NKAIN3: variants seen among roughly 807,000 people sequenced by gnomAD.
NKAIN3 encodes sodium/potassium transporting ATPase interacting 3.
In NKAIN3, 25 loss-of-function variants were observed where a neutral mutation model predicts 30.2. That is an observed-to-expected ratio of 0.83 (90% CI 0.60 to 1.16). The LOEUF (loss-of-function observed/expected upper bound fraction) is 1.16, where lower values mean the gene tolerates loss of function less well. Ranked by LOEUF, NKAIN3 falls within the 50% of genes most tolerant of loss-of-function variation. The probability of loss-of-function intolerance (pLI) is 0.00; values close to 1 mark genes in which losing one functional copy is unlikely to be tolerated. For missense variants in NKAIN3, 225 were observed against 254.1 expected (o/e 0.89, Z 0.78); for synonymous variants, 91 against 89.6 (o/e 1.02, Z -0.09).
intron 4 of NKAIN3, among the ~76,000 whole-genome samples, chr8:62,795,631 G>C (rs529765606): frequency 1.1e-3 from 164 of 152,222 alleles, no homozygotes; most frequent in African/African-American, 3.7e-3. Flanking sequence ...AATTAAAAGA[G>C]AATTAGTAAC....
At chr8:62,275,293 G>T (rs1412604209) in intron 1 of NKAIN3, among the ~76,000 whole-genome samples, 1 of 152,146 alleles carries the variant, frequency 6.6e-6, no homozygotes, top group Admixed American at 6.6e-5. Flanking sequence ...CATTCTAACT[G>T]GTGTGAGATG....
At chr8:62,298,228 C>T (rs531211798) in intron 1 of NKAIN3, among the ~76,000 whole-genome samples, 13 of 151,784 alleles carry the variant, frequency 8.6e-5, no homozygotes, top group Admixed American at 2.0e-4. Context: ...TGCTAAATGA[C>T]GAGTTAATGG....
intron 1 of NKAIN3, among the ~76,000 whole-genome samples, chr8:62,439,956 T>C (rs1304904559): frequency 6.6e-6 from 1 of 152,228 alleles, no homozygotes; most frequent in Admixed American, 6.5e-5. Context: ...CAGATATTAA[T>C]ATGAGGAGAA....
rs551121497 is a variant in NKAIN3, at chr8:62,255,825, T to C, written c.54+6698T>C. 1.1e-4 allele frequency among the ~76,000 whole-genome samples: 16 copies of C among 152,238 alleles called. No individual in the cohort carries two copies. The South Asian group carries it at 3.1e-3, about 30-fold the overall frequency. On this transcript the variant is annotated intron_variant, in intron 1 of 6. Coordinates refer to ENST00000623646, the MANE Select transcript of NKAIN3 (RefSeq NM_001304533.3). The stretch of plus-strand genomic sequence containing the variant: ...AGTCTTTGGATCAGCAGTATCAGAA[T>C]CACCCGGGGGAGCTTCTGAACAACA...
chr8:62,738,507 GA>G (rs1027389895), intron 3 of NKAIN3, among the ~76,000 whole-genome samples: 16 of 151,050 alleles, frequency 1.1e-4, no homozygotes, highest in Non-Finnish European at 2.4e-4. Context: ...GCAGAGACAG[GA>G]GAATTGCTTG....
chr8:62,905,589 A>G (rs2130843124), intron 4 of NKAIN3, among the ~76,000 whole-genome samples: 1 of 152,222 alleles, frequency 6.6e-6, no homozygotes, highest in African/African-American at 2.4e-5. Flanking sequence ...TTTCTCTTGA[A>G]CCTGCTCTGA....
chr8:62,788,776 A>T (rs1401136155), intron 4 of NKAIN3, among the ~76,000 whole-genome samples: 1 of 151,668 alleles, frequency 6.6e-6, no homozygotes, highest in Admixed American at 6.6e-5. Flanking sequence ...TCCCAGCACC[A>T]TTTATTAAAT....
intron 4 of NKAIN3, among the ~76,000 whole-genome samples, chr8:62,805,356 C>A (rs1586216457): frequency 6.6e-6 from 1 of 151,720 alleles, no homozygotes; most frequent in Admixed American, 6.6e-5. Context: ...CAATCCTAAG[C>A]CAAAAGAACA....
At chr8:62,896,495 C>A (rs1821432784) in intron 4 of NKAIN3, among the ~76,000 whole-genome samples, 1 of 152,096 alleles carries the variant, frequency 6.6e-6, no homozygotes, top group African/African-American at 2.4e-5. Context: ...AGATCTCAGG[C>A]AGATTTTTTC....
chr8:62,861,980 T>C (rs1820254896), intron 4 of NKAIN3, among the ~76,000 whole-genome samples: 1 of 152,242 alleles, frequency 6.6e-6, no homozygotes, highest in African/African-American at 2.4e-5. Context: ...ATAAAATATC[T>C]TTTTATTATG....
intron 4 of NKAIN3, among the ~76,000 whole-genome samples, chr8:62,845,361 C>A (rs1819658411): frequency 7.4e-6 from 1 of 134,902 alleles, no homozygotes; most frequent in Admixed American, 8.1e-5. Flanking sequence ...AAAGATTCTT[C>A]CCCCAACTCT....
chr8:62,817,515 G>T (rs1014602777), intron 4 of NKAIN3, among the ~76,000 whole-genome samples: 2 of 152,050 alleles, frequency 1.3e-5, no homozygotes, highest in Non-Finnish European at 2.9e-5. Context: ...GCTTTCAGTT[G>T]AGAACCAGGT....
chr8:62,428,705 T>TTTG (rs1479663374), intron 1 of NKAIN3, among the ~76,000 whole-genome samples: 2 of 151,974 alleles, frequency 1.3e-5, no homozygotes, highest in Non-Finnish European at 2.9e-5. Context: ...TATTTGTTTA[T>TTTG]TTGTTATTGA....
intron 4 of NKAIN3, among the ~76,000 whole-genome samples, chr8:62,908,071 CT>C (rs1200976647): frequency 6.6e-6 from 1 of 152,300 alleles, no homozygotes; most frequent in Admixed American, 6.5e-5. Flanking sequence ...AGCTGTGTAG[CT>C]GCTCAAGACC....
chr8:62,711,443 C>A (rs1050462018), intron 3 of NKAIN3, among the ~76,000 whole-genome samples: 2 of 151,944 alleles, frequency 1.3e-5, no homozygotes, highest in Admixed American at 6.6e-5. Context: ...TCTTATTTTT[C>A]TTTCTTTGTC....
intron 1 of NKAIN3, among the ~76,000 whole-genome samples, chr8:62,528,324 A>T (rs1368012922): frequency 4.1e-5 from 3 of 73,352 alleles, no homozygotes; most frequent in African/African-American, 1.8e-4. Flanking sequence ...TATATTATAT[A>T]ATATATATAT....
chr8:62,642,662 A>T (rs1464203659), intron 3 of NKAIN3, among the ~76,000 whole-genome samples: 27 of 152,124 alleles, frequency 1.8e-4, no homozygotes, highest in Admixed American at 1.3e-3. Flanking sequence ...AATTTATTTT[A>T]AAAAATGTTA....
chr8:62,627,281 C>T (rs1233199038), intron 3 of NKAIN3, among the ~76,000 whole-genome samples: 1 of 152,064 alleles, frequency 6.6e-6, no homozygotes, highest in African/African-American at 2.4e-5. Context: ...ACAAATAGTG[C>T]CCTGTGCAAA....
intron 3 of NKAIN3, among the ~76,000 whole-genome samples, chr8:62,614,052 T>C (rs887497162): frequency 4.6e-5 from 7 of 152,156 alleles, no homozygotes; most frequent in African/African-American, 1.4e-4. Context: ...TGAGGTTATA[T>C]TTTTCTGGAT....
Sources: allele counts gnomAD v4.1 joint callset (sites outside exome capture counted in the v4.1 genomes callset), GRCh38; gene constraint gnomAD v4.1.1; transcripts MANE v1.5; gene names NCBI Gene and HGNC (gene_info 2026-07-23, HGNC 2026-07-21).